ATP11A: variants seen among roughly 807,000 people sequenced by gnomAD.
The protein encoded by ATP11A is phospholipid-transporting ATPase IH.
In ATP11A, 81 loss-of-function variants were observed where a neutral mutation model predicts 154.4. The observed-to-expected ratio is 0.52, with a 90% CI of 0.44 to 0.63. ATP11A has a LOEUF of 0.63. Ranked by LOEUF, ATP11A falls within the 30% of genes least tolerant of loss-of-function variation. The pLI, the probability that ATP11A is intolerant of heterozygous loss-of-function variation, is 0.00. For missense variants in ATP11A, 1,316 were observed against 1,474.3 expected, an observed-to-expected ratio of 0.89 and a Z score of 1.76; for synonymous variants, 623 against 585.9, an observed-to-expected ratio of 1.06 and a Z score of -0.91.
intron 1 of ATP11A, among the ~76,000 whole-genome samples, chr13:112,726,145 C>CGG (rs1237745338): frequency 1.3e-5 from 2 of 152,208 alleles, no homozygotes; most frequent in African/African-American, 2.4e-5. Context: ...GGATGGGGCA[C>CGG]GGCGTGCGTG....
At chr13:112,756,543 G>A (rs1358484242) in intron 1 of ATP11A, among the ~76,000 whole-genome samples, 1 of 152,142 alleles carries the variant, frequency 6.6e-6, no homozygotes, top group Non-Finnish European at 1.5e-5. Context: ...TACCTCCCAG[G>A]GTCTAGCGGA....
At chr13:112,869,783 A>T (rs530121294) in intron 25 of ATP11A, among the ~76,000 whole-genome samples, 1 of 152,204 alleles carries the variant, frequency 6.6e-6, no homozygotes, top group South Asian at 2.1e-4. Flanking sequence ...TGCTGGCCAC[A>T]TGTGCTTGTA....
chr13:112,711,062 G>A (rs2139562969), intron 1 of ATP11A, among the ~76,000 whole-genome samples: 1 of 151,088 alleles, frequency 6.6e-6, no homozygotes, highest in East Asian at 2.0e-4. Context: ...CAGGGTTGGA[G>A]GGCTGGCATG....
intron 1 of ATP11A, among the ~76,000 whole-genome samples, chr13:112,722,798 C>T (rs1889350501): frequency 6.6e-6 from 1 of 152,094 alleles, no homozygotes; most frequent in Admixed American, 6.6e-5. Context: ...GGTGGTGGGG[C>T]TGGTTGGATG....
intron 1 of ATP11A, among the ~76,000 whole-genome samples, chr13:112,737,636 T>C (rs538798216): frequency 6.6e-6 from 1 of 152,312 alleles, no homozygotes; most frequent in East Asian, 1.9e-4. Context: ...ACCGAGGGCC[T>C]CGTCTGCCTT....
intron 14 of ATP11A, 40 bp from the exon 15 acceptor site, chr13:112,834,549 G>C (rs2079180165): frequency 1.5e-6 from 2 of 1,346,968 alleles, no homozygotes; most frequent in African/African-American, 2.9e-5. Context: ...AGGAACATCA[G>C]AATCTCAGAT....
rs77566539 is a variant in ATP11A, at chr13:112,712,218, T to A, written c.39+21763T>A. ...TTGCTTCACGGTGAAATGTGGCCGG[T>A]AGTTCCCCAGGAGTAAACAATGTGG... On this transcript the variant is annotated intron_variant, in intron 1 of 29. Coordinates refer to ENST00000375645, the MANE Select transcript of ATP11A (RefSeq NM_015205.3). Among the ~76,000 whole-genome samples the A allele has an allele frequency of 2.5e-3, 386 of 152,236 alleles. 2 individuals carry two copies. The highest frequency in any genetic ancestry group is 4.3e-3 in the Non-Finnish European group (291 of 68,002).
chr13:112,740,720 G>A (rs572199231), intron 1 of ATP11A, among the ~76,000 whole-genome samples: 12 of 152,270 alleles, frequency 7.9e-5, no homozygotes, highest in South Asian at 2.1e-4. Flanking sequence ...TGTCACCACC[G>A]GTCTCCTCCC....
chr13:112,868,074 T>C, intron 25 of ATP11A, among the ~76,000 whole-genome samples: 1 of 152,252 alleles, frequency 6.6e-6, no homozygotes, highest in East Asian at 1.9e-4. Context: ...TCGTAAGCCA[T>C]AGTAACTTCT....
intron 1 of ATP11A, among the ~76,000 whole-genome samples, chr13:112,755,770 C>A (rs1594563329): frequency 1.4e-5 from 2 of 146,320 alleles, no homozygotes. Flanking sequence ...GCTCCCAGAA[C>A]CATTTCCGGT....
intron 18 of ATP11A, among the ~76,000 whole-genome samples, chr13:112,852,367 G>C (rs1328151561): frequency 6.6e-6 from 1 of 152,168 alleles, no homozygotes; most frequent in Non-Finnish European, 1.5e-5. Context: ...TTGAGTTCTC[G>C]ATCTGAATGG....
chr13:112,848,953 G>T (rs968025704), intron 17 of ATP11A, among the ~76,000 whole-genome samples: 3 of 152,240 alleles, frequency 2.0e-5, no homozygotes, highest in Non-Finnish European at 2.9e-5. Context: ...CTCCCAAAGT[G>T]CTGGGATTAC....
chr13:112,805,563 C>G (rs1317146641), intron 3 of ATP11A, among the ~76,000 whole-genome samples: 1 of 151,706 alleles, frequency 6.6e-6, no homozygotes, highest in African/African-American at 2.4e-5. Flanking sequence ...GTAGTCCCAG[C>G]TACGCGGGAG....
At chr13:112,756,851 G>C (rs2076850060) in intron 1 of ATP11A, among the ~76,000 whole-genome samples, 1 of 151,730 alleles carries the variant, frequency 6.6e-6, no homozygotes, top group Non-Finnish European at 1.5e-5. Context: ...CTCCCAGCGC[G>C]GGGTCTGCTC....
chr13:112,778,834 G>GCTGGAGTGAGTAGCCA lies in ATP11A; in HGVS notation c.40-6286_40-6285insACTGGAGTGAGTAGCC, dbSNP rs79013575. 8.9e-4 allele frequency among the ~76,000 whole-genome samples: 22 copies of GCTGGAGTGAGTAGCCA among 24,618 alleles called. 10 individuals carry two copies. Among genetic ancestry groups the GCTGGAGTGAGTAGCCA allele is most frequent in the Non-Finnish European group, 1.2e-3 (14 of 11,830 alleles). The allele number at this position is 24,618 out of a possible 152,430, so 16.2% of individuals were successfully genotyped here. On this transcript the variant is annotated intron_variant, in intron 1 of 29. Transcript: ENST00000375645. ...GTAGCCGCTGGAGTGAGGAGTAGCC[G>GCTGGAGTGAGTAGCCA]CTGGAGTGAGTAGCCGCTGGAGTGA...
intron 8 of ATP11A, among the ~76,000 whole-genome samples, chr13:112,822,204 C>T (rs185056063): frequency 6.6e-6 from 1 of 152,334 alleles, no homozygotes; most frequent in Admixed American, 6.5e-5. Context: ...TTATCAATAG[C>T]AAAATTTATA....
chr13:112,825,652 A>G (rs2078914528), intron 11 of ATP11A, 72 bp downstream of exon 11: 4 of 1,501,062 alleles, frequency 2.7e-6, no homozygotes, highest in Non-Finnish European at 2.7e-6. Flanking sequence ...GTGGTGCAAG[A>G]AAAAGATGAC....
intron 1 of ATP11A, among the ~76,000 whole-genome samples, chr13:112,735,818 A>G (rs938830044): frequency 6.6e-5 from 10 of 152,318 alleles, no homozygotes; most frequent in Admixed American, 3.3e-4. Flanking sequence ...CAGCGCACCA[A>G]ACCTTTCAGC....
At chr13:112,718,165 CTG>C (rs761154535) in intron 1 of ATP11A, among the ~76,000 whole-genome samples, 2 of 152,112 alleles carry the variant, frequency 1.3e-5, no homozygotes, top group Non-Finnish European at 2.9e-5. Context: ...TCCCCCTTTG[CTG>C]TGTGATAGTC....
Sources: allele counts gnomAD v4.1 joint callset (sites outside exome capture counted in the v4.1 genomes callset), GRCh38; gene constraint gnomAD v4.1.1; transcripts MANE v1.5; gene names NCBI Gene and HGNC (gene_info 2026-07-23, HGNC 2026-07-21).